The following RANBP2 variants were observed in gnomAD, a reference collection of about 807,000 sequenced individuals.
The protein encoded by RANBP2 is RAN binding protein 2, also known as E3 SUMO-protein ligase RanBP2.
A neutral mutation model predicts 303.6 loss-of-function variants in RANBP2; 57 were observed. The ratio of observed to expected loss-of-function variants is 0.19; its 90% CI spans 0.15 to 0.23. RANBP2 has a LOEUF of 0.23. RANBP2 is among the 10% of genes least tolerant of loss of function. The pLI, the probability that RANBP2 is intolerant of heterozygous loss-of-function variation, is 1.00. For synonymous variants in RANBP2, 1,167 were observed against 1,301.5 expected, an observed-to-expected ratio of 0.90 and a Z score of 2.23; for missense variants, 3,138 against 3,780.8, an observed-to-expected ratio of 0.83 and a Z score of 4.46.
chr2:109,158,331 C>T, the RANBP2 span, among the ~76,000 whole-genome samples: 1 of 152,182 alleles, frequency 6.6e-6, no homozygotes, highest in Non-Finnish European at 1.5e-5. Flanking sequence ...TTTGGGGACT[C>T]CCTCAACGCT....
the RANBP2 span, among the ~76,000 whole-genome samples, chr2:109,205,167 G>A: frequency 2.0e-5 from 3 of 151,938 alleles, no homozygotes; most frequent in East Asian, 1.9e-4. Context: ...TGTTTATGCC[G>A]CTGCACTCCA....
At chr2:109,691,525 G>A in the RANBP2 span, among the ~76,000 whole-genome samples, 3 of 152,186 alleles carry the variant, frequency 2.0e-5, no homozygotes, top group Admixed American at 2.0e-4. Context: ...TTAGCTTCAG[G>A]GGCCAGGCTA....
chr2:109,223,198 T>C, the RANBP2 span, among the ~76,000 whole-genome samples: 48 of 152,240 alleles, frequency 3.2e-4, no homozygotes, highest in African/African-American at 1.2e-3. Context: ...ATGAATGCTT[T>C]GTCCCCCTTT....
the RANBP2 span, among the ~76,000 whole-genome samples, chr2:108,805,463 C>T: frequency 0.021 from 3,188 of 152,100 alleles, 105 homozygotes; most frequent in African/African-American, 0.073. Context: ...CGGTGGCTCA[C>T]GCCTGTAATC....
At chr2:109,267,768 C>T in the RANBP2 span, among the ~76,000 whole-genome samples, 8 of 152,324 alleles carry the variant, frequency 5.3e-5, no homozygotes, top group East Asian at 7.7e-4. Flanking sequence ...CACAGTTCTG[C>T]GTCTGTCCCT....
chr2:108,820,503 G>A, the RANBP2 span, among the ~76,000 whole-genome samples: 20 of 152,154 alleles, frequency 1.3e-4, no homozygotes, highest in Middle Eastern at 3.4e-3. Context: ...AGGAACTCCA[G>A]AGAGGACAAT....
chr2:109,378,933 T>C, the RANBP2 span, among the ~76,000 whole-genome samples: 3 of 152,202 alleles, frequency 2.0e-5, no homozygotes, highest in African/African-American at 7.2e-5. Flanking sequence ...TCTGCAGATC[T>C]CCAGGACTGT....
At chr2:109,577,830 T>C in the RANBP2 span, among the ~76,000 whole-genome samples, 1 of 149,144 alleles carries the variant, frequency 6.7e-6, no homozygotes, top group African/African-American at 2.5e-5. Context: ...TAAGAATCAC[T>C]TGAACCCAGG....
chr2:109,198,770 A>G, the RANBP2 span, among the ~76,000 whole-genome samples: 3 of 152,180 alleles, frequency 2.0e-5, no homozygotes, highest in Non-Finnish European at 4.4e-5. Context: ...TCACCTCCTG[A>G]TACCAAACCT....
chr2:109,556,180 C>T, the RANBP2 span, among the ~76,000 whole-genome samples: 5 of 152,280 alleles, frequency 3.3e-5, no homozygotes, highest in South Asian at 1.0e-3. Context: ...GCTGCCCTTT[C>T]CTATGTGTAG....
chr2:109,634,816 T>TTTGTA, the RANBP2 span, among the ~76,000 whole-genome samples: 1 of 152,220 alleles, frequency 6.6e-6, no homozygotes, highest in Admixed American at 6.5e-5. Context: ...AAACTAATTA[T>TTTGTA]TTGCACATAA....
At chr2:108,999,340 C>T in the RANBP2 span, among the ~76,000 whole-genome samples, 634 of 152,328 alleles carry the variant, frequency 4.2e-3, 3 homozygotes, top group Non-Finnish European at 7.0e-3. Context: ...TTAACAATTA[C>T]GCTTATCTCT....
Position 108,767,333 on chromosome 2 carries a change from C to T in RANBP2, c.6794C>T (p.Thr2265Ile), listed in dbSNP as rs147939074. 2.5e-6 allele frequency: 4 copies of T among 1,612,058 alleles called. No individual in the cohort carries two copies. The highest frequency in any genetic ancestry group is 1.3e-5 in the African/African-American group (1 of 74,980). Residue 2265 changes from threonine (T) to isoleucine (I), a missense_variant, in exon 20 of 29, where the codon ACA (threonine) becomes ATA (isoleucine). Coordinates refer to ENST00000283195, the MANE Select transcript of RANBP2 (RefSeq NM_006267.5). ...KNLFRFGEST[T>I]GFNFSFKSAL... Reference sequence around the variant, plus strand: ...CTTTTCCGTTTTGGTGAGTCAACAACAGGATTTAACTTCAGTTTTAAATCT... The same window carrying T: ...CTTTTCCGTTTTGGTGAGTCAACAATAGGATTTAACTTCAGTTTTAAATCT...
intron 1 of RANBP2, among the ~76,000 whole-genome samples, chr2:108,720,941 C>T (rs1311763884): frequency 6.6e-6 from 1 of 151,886 alleles, no homozygotes; most frequent in Non-Finnish European, 1.5e-5. Context: ...CCCAGCTACC[C>T]GGGAGGCTGA....
the RANBP2 span, among the ~76,000 whole-genome samples, chr2:109,561,542 C>T: frequency 6.6e-6 from 1 of 152,208 alleles, no homozygotes; most frequent in Non-Finnish European, 1.5e-5. Flanking sequence ...TTATTCACTG[C>T]TGACTCCCAA....
At chr2:109,664,936 A>G in the RANBP2 span, among the ~76,000 whole-genome samples, 2 of 152,118 alleles carry the variant, frequency 1.3e-5, no homozygotes, top group African/African-American at 2.4e-5. Flanking sequence ...GTCTAAAAAA[A>G]AAAACCAAAA....
At chr2:108,733,104 G>C (rs1285071751) in intron 4 of RANBP2, among the ~76,000 whole-genome samples, 1 of 152,132 alleles carries the variant, frequency 6.6e-6, no homozygotes, top group Non-Finnish European at 1.5e-5. Flanking sequence ...GATTACAGGC[G>C]TGAGCCACTG....
At chr2:109,501,314 A>T in the RANBP2 span, among the ~76,000 whole-genome samples, 1 of 152,294 alleles carries the variant, frequency 6.6e-6, no homozygotes, top group Admixed American at 6.5e-5. Flanking sequence ...TGCCTTTTAA[A>T]TTTTTTTTAT....
chr2:109,341,862 G>T, the RANBP2 span, among the ~76,000 whole-genome samples: 4 of 152,222 alleles, frequency 2.6e-5, no homozygotes, highest in Non-Finnish European at 5.9e-5. Context: ...TGCAGGCAAG[G>T]CTGGAAAATG....
Sources: allele counts gnomAD v4.1 joint callset (sites outside exome capture counted in the v4.1 genomes callset), GRCh38; gene constraint gnomAD v4.1.1; transcripts MANE v1.5; gene names NCBI Gene and HGNC (gene_info 2026-07-23, HGNC 2026-07-21).